The following TRPM3 variants were observed in gnomAD, a reference collection of about 807,000 sequenced individuals.
The protein encoded by TRPM3 is transient receptor potential cation channel subfamily M member 3, also known as long transient receptor potential channel 3.
TRPM3 carries 77 observed loss-of-function variants against 181.2 expected under a neutral mutation model. That is an observed-to-expected ratio of 0.42 (90% confidence interval 0.35 to 0.51). The LOEUF (loss-of-function observed/expected upper bound fraction) is 0.51. Among genes scored for constraint, TRPM3 ranks in the 20% least tolerant of loss-of-function variants. The probability of loss-of-function intolerance (pLI) is 0.01; values close to 1 mark genes in which losing one functional copy is unlikely to be tolerated. For missense variants in TRPM3, 1,759 were observed against 2,196.7 expected (o/e 0.80, Z 3.98); for synonymous variants, 745 against 796.4 (o/e 0.94, Z 1.09).
intron 1 of TRPM3, among the ~76,000 whole-genome samples, chr9:71,234,610 C>T (rs2081255244): frequency 6.6e-6 from 1 of 152,120 alleles, no homozygotes; most frequent in Admixed American, 6.5e-5. Context: ...CAAGGTCTTT[C>T]CTCTGTGTTT....
chr9:71,216,620 A>T (rs926445734), intron 1 of TRPM3, among the ~76,000 whole-genome samples: 2 of 152,242 alleles, frequency 1.3e-5, no homozygotes, highest in Non-Finnish European at 2.9e-5. Flanking sequence ...AATGCCATGC[A>T]AAGAGCACAT....
chr9:71,320,256 A>C (rs997735973), intron 1 of TRPM3, among the ~76,000 whole-genome samples: 1 of 152,162 alleles, frequency 6.6e-6, no homozygotes, highest in Non-Finnish European at 1.5e-5. Context: ...ATACAGAGTG[A>C]AGCCAATTCT....
At chr9:71,426,437 A>T (rs1398645771) in intron 1 of TRPM3, among the ~76,000 whole-genome samples, 1 of 152,092 alleles carries the variant, frequency 6.6e-6, no homozygotes, top group African/African-American at 2.4e-5. Flanking sequence ...CTTATCAAGA[A>T]GCTCACAAGC....
chr9:70,933,006 T>C (rs2133436393), intron 1 of TRPM3, among the ~76,000 whole-genome samples: 1 of 152,246 alleles, frequency 6.6e-6, no homozygotes, highest in East Asian at 1.9e-4. Flanking sequence ...TGATGATGTG[T>C]TGATGTATGA....
Position 70,828,006 on chromosome 9 carries a change from A to G in TRPM3, c.814T>C (p.Tyr272His), listed in dbSNP as rs1443981323. 3 of 1,612,806 alleles carry G rather than the reference A, an allele frequency of 1.9e-6. No individual in the cohort carries two copies. The highest frequency in any genetic ancestry group is 2.2e-5 in the South Asian group (2 of 90,946). Residue 272 changes from tyrosine (Y) to histidine (H), a missense_variant, in exon 6 of 26, where the codon TAC becomes CAC. By Grantham distance (83) the Tyr-to-His change is moderately conservative. Around this residue, in one of 8 missense-constraint regions of TRPM3, gnomAD observed 737 missense variants for 957.4 expected, o/e 0.77. Transcript: ENST00000677713. ...CTCATGGGATTGGACATGGTCTGGTATGGCCGGACAACCTGCAGGGTATCA... is the reference window on the plus strand; with the variant it reads ...CTCATGGGATTGGACATGGTCTGGTGTGGCCGGACAACCTGCAGGGTATCA... ...DLIGRDVVRP[Y>H]QTMSNPMSKL...
At chr9:70,623,435 T>C (rs930050756) in intron 14 of TRPM3, among the ~76,000 whole-genome samples, 1 of 151,156 alleles carries the variant, frequency 6.6e-6, no homozygotes, top group Non-Finnish European at 1.5e-5. Context: ...GACCCATGGG[T>C]CATGAGGGTC....
chr9:70,681,454 G>A, intron 9 of TRPM3, 52 bp downstream of exon 9: 2 of 1,439,502 alleles, frequency 1.4e-6, no homozygotes, highest in East Asian at 2.3e-5. Flanking sequence ...TAAGGTCACT[G>A]TATTAATTCG....
At chr9:71,388,197 C>A (rs1157936042) in intron 1 of TRPM3, among the ~76,000 whole-genome samples, 1 of 152,098 alleles carries the variant, frequency 6.6e-6, no homozygotes, top group East Asian at 1.9e-4. Context: ...TGAAGCTTGA[C>A]TTTCATGTTT....
rs761490964 is a variant in TRPM3, at chr9:70,625,372, C to T, written c.1669-41G>A. The T allele has an allele frequency of 1.2e-6, 2 of 1,612,134 alleles. No individual in the cohort carries two copies. Among genetic ancestry groups the T allele is most frequent in the East Asian group, 2.2e-5 (1 of 44,818 alleles). On this transcript the variant is annotated intron_variant, in intron 13 of 25. Transcript: ENST00000677713. This position sits in a 1 kb window ranked among gnomAD's most constrained non-coding sequence, Gnocchi z 4.8. ...GAAACAAACAGACAAATCCAAAAGA[C>T]AACGTGGTTTACTAGGGATTCTACT...
At chr9:71,133,994 TGTGTGTGTGTGTGTGTGTGTGCGCGTGC>T (rs2074560378) in intron 1 of TRPM3, among the ~76,000 whole-genome samples, 1 of 143,816 alleles carries the variant, frequency 7.0e-6, no homozygotes, top group Non-Finnish European at 1.5e-5. Flanking sequence ...TGTGTGTGTG[TGTGTGTGTGTGTGTGTGTGTGCGCGTGC>T]GCGCGCGCGC....
chr9:71,052,869 T>A (rs1352247063), intron 1 of TRPM3, among the ~76,000 whole-genome samples: 2 of 151,156 alleles, frequency 1.3e-5, no homozygotes, highest in Admixed American at 6.6e-5. Context: ...AGAACAGGAG[T>A]CCATGTGAGA....
At chr9:71,052,565 T>G (rs11142677) in intron 1 of TRPM3, among the ~76,000 whole-genome samples, 49,819 of 152,018 alleles carry the variant, frequency 0.33, 9,005 homozygotes, top group Middle Eastern at 0.45. Context: ...TCTACTGAAA[T>G]CAGAAAATCA....
intron 1 of TRPM3, among the ~76,000 whole-genome samples, chr9:71,323,147 G>A (rs1026911365): frequency 2.0e-5 from 3 of 151,996 alleles, no homozygotes; most frequent in African/African-American, 7.3e-5. Flanking sequence ...TCATAACCAA[G>A]TAATTTAAAC....
chr9:70,811,662 A>C (rs1473091553), intron 6 of TRPM3, among the ~76,000 whole-genome samples: 1 of 152,214 alleles, frequency 6.6e-6, no homozygotes, highest in African/African-American at 2.4e-5. Context: ...CCAGGAGACG[A>C]TAGGAATTGA....
At chr9:71,373,800 C>A (rs2092595073) in intron 1 of TRPM3, among the ~76,000 whole-genome samples, 1 of 152,088 alleles carries the variant, frequency 6.6e-6, no homozygotes, top group Non-Finnish European at 1.5e-5. Context: ...ATCCTGATAC[C>A]AAAACCTGGC....
At chr9:70,565,183 C>T (rs2050226829) in intron 22 of TRPM3, among the ~76,000 whole-genome samples, 1 of 152,226 alleles carries the variant, frequency 6.6e-6, no homozygotes, top group East Asian at 1.9e-4. Flanking sequence ...TGGGTGACAG[C>T]ACACCCTTGT....
At chr9:70,576,497 TCCTC>T (rs2053985955) in intron 22 of TRPM3, among the ~76,000 whole-genome samples, 3 of 149,650 alleles carry the variant, frequency 2.0e-5, no homozygotes, top group African/African-American at 7.4e-5. Flanking sequence ...CTCCTCCTCC[TCCTC>T]CTTCTTCTTT....
chr9:70,603,613 T>A, intron 19 of TRPM3, 143 bp from the exon 20 acceptor site: 1 of 779,616 alleles, frequency 1.3e-6, no homozygotes, highest in Non-Finnish European at 2.0e-6. Flanking sequence ...GGTGCTAAAC[T>A]AACAAAAGAA....
chr9:70,946,401 G>A (rs183857167), intron 1 of TRPM3, among the ~76,000 whole-genome samples: 2 of 151,756 alleles, frequency 1.3e-5, no homozygotes, highest in Admixed American at 1.3e-4. Flanking sequence ...GGCAAGTTAG[G>A]ACTCTGAATC....
Sources: allele counts gnomAD v4.1 joint callset (sites outside exome capture counted in the v4.1 genomes callset), GRCh38; gene constraint gnomAD v4.1.1; regional missense constraint gnomAD v4.1.1; non-coding constraint Gnocchi (gnomAD v3.1); transcripts MANE v1.5; gene names NCBI Gene and HGNC (gene_info 2026-07-23, HGNC 2026-07-21).